Variants in HDX observed in about 807,000 individuals in gnomAD.
HDX encodes the protein chromosome X open reading frame 43.
In HDX, 19 loss-of-function variants were observed where a neutral mutation model predicts 45.2. The observed-to-expected ratio is 0.42, with a 90% confidence interval of 0.29 to 0.62. The LOEUF (loss-of-function observed/expected upper bound fraction) is 0.62. Among genes scored for constraint, HDX ranks in the 20% least tolerant of loss-of-function variants. The pLI is 0.20. For synonymous variants in HDX, 188 were observed against 172.8 expected, an observed-to-expected ratio of 1.09 and a Z score of -0.69; for missense variants, 532 against 493.9, an observed-to-expected ratio of 1.08 and a Z score of -0.73.
intron 5 of HDX, among the ~76,000 whole-genome samples, chrX:84,385,107 C>T (rs1351944216): frequency 2.0e-5 from 2 of 99,330 alleles, no homozygotes; most frequent in Non-Finnish European, 4.0e-5. Context: ...CTGTTAATTG[C>T]TTTGGGTGAT....
At chrX:84,349,314 A>G (rs2037278179) in intron 6 of HDX, among the ~76,000 whole-genome samples, 1 of 109,178 alleles carries the variant, frequency 9.2e-6, no homozygotes, top group Non-Finnish European at 1.9e-5. Context: ...TGAACTGACA[A>G]CTTCTAGGCT....
intron 5 of HDX, among the ~76,000 whole-genome samples, chrX:84,369,038 T>C (rs903878286): frequency 3.6e-5 from 4 of 110,879 alleles, no homozygotes; most frequent in Non-Finnish European, 7.5e-5. Flanking sequence ...TACCAGTCCA[T>C]GGCTCATGGA....
chrX:84,482,180 G>A (rs1355407710), intron 2 of HDX, among the ~76,000 whole-genome samples: 1 of 111,434 alleles, frequency 9.0e-6, no homozygotes, highest in African/African-American at 3.3e-5. Flanking sequence ...ATAAATATAT[G>A]AGTCCAGGTA....
At chrX:84,369,520 T>G (rs1050753085) in intron 5 of HDX, among the ~76,000 whole-genome samples, 17 of 112,378 alleles carry the variant, frequency 1.5e-4, no homozygotes, top group African/African-American at 4.5e-4. Flanking sequence ...ATATACCATC[T>G]CACATTCCCA....
intron 5 of HDX, among the ~76,000 whole-genome samples, chrX:84,379,616 T>C (rs1366172670): frequency 9.0e-6 from 1 of 111,331 alleles, no homozygotes; most frequent in Non-Finnish European, 1.9e-5. Context: ...AAATAAACAA[T>C]ATGCTTCTGA....
intron 6 of HDX, among the ~76,000 whole-genome samples, chrX:84,356,465 A>G (rs1386541286): frequency 7.2e-5 from 8 of 110,982 alleles, no homozygotes; most frequent in Non-Finnish European, 1.3e-4. Flanking sequence ...TTTTTCACAG[A>G]TTACGATCTT....
intron 5 of HDX, among the ~76,000 whole-genome samples, chrX:84,421,097 G>A (rs771896973): frequency 2.1e-4 from 23 of 111,645 alleles, no homozygotes; most frequent in Non-Finnish European, 3.6e-4. Context: ...TAATTCATTG[G>A]TAATTGTAAG....
chrX:84,328,991 C>A (rs964952177), intron 9 of HDX, among the ~76,000 whole-genome samples: 9 of 111,917 alleles, frequency 8.0e-5, no homozygotes. Flanking sequence ...GCAGAGGCTT[C>A]CAGGTCAAAC....
chrX:84,359,398 T>C (rs778765597), intron 6 of HDX, among the ~76,000 whole-genome samples: 29 of 109,897 alleles, frequency 2.6e-4, no homozygotes, highest in Admixed American at 2.9e-4. Context: ...TGTGTCCATG[T>C]GTTCTCATTG....
intron 4 of HDX, among the ~76,000 whole-genome samples, chrX:84,441,724 A>G (rs145220658): frequency 0.015 from 1,620 of 111,527 alleles, 27 homozygotes; most frequent in African/African-American, 0.051. Flanking sequence ...TTTCTTGCAT[A>G]TTATACAAGT....
intron 1 of HDX, among the ~76,000 whole-genome samples, chrX:84,498,110 T>C (rs1014855913): frequency 9.0e-6 from 1 of 111,625 alleles, no homozygotes; most frequent in Admixed American, 9.5e-5. Context: ...CACATATGTC[T>C]AGTTGTTAAA....
Position 84,336,907 on chromosome X carries a change from T to C in HDX, c.1661-27A>G, listed in dbSNP as rs764894785. 5 of 1,028,106 alleles carry C rather than the reference T, an allele frequency of 4.9e-6. No individual in the cohort carries two copies. The African/African-American group carries it at 9.4e-5, about 19-fold the overall frequency. The allele number at this position is 1,028,106 out of a possible 1,213,427, so 84.7% of individuals were successfully genotyped here. A position where few individuals can be genotyped will look rare whatever the true frequency, so the allele number is the denominator to read the frequency against. On this transcript the variant is annotated intron_variant, in intron 7 of 10. Transcript: ENST00000373177. The stretch of plus-strand genomic sequence containing the variant: ...TACAGAAAAAAATGCCATAATTTCA[T>C]TTTCATTTCGCAAAACTTTCTTGAG...
chrX:84,443,423 C>T (rs757771131), intron 4 of HDX, among the ~76,000 whole-genome samples: 20 of 111,529 alleles, frequency 1.8e-4, no homozygotes, highest in East Asian at 5.6e-4. Context: ...AAATCTTCAA[C>T]GAGATGAGAC....
intron 5 of HDX, among the ~76,000 whole-genome samples, chrX:84,373,594 C>T (rs2037956392): frequency 9.0e-6 from 1 of 110,577 alleles, no homozygotes; most frequent in Admixed American, 9.6e-5. Context: ...GGGATGAAGG[C>T]TGGTTTAATA....
chrX:84,484,013 T>A (rs2040740690), intron 2 of HDX, among the ~76,000 whole-genome samples: 1 of 111,699 alleles, frequency 9.0e-6, no homozygotes. Context: ...ATCAACATTT[T>A]GGTCAAAGCC....
In HDX at chrX:84,361,561, A is replaced by G; in HGVS notation, c.1357T>C (p.Tyr453His). The G allele has an allele frequency of 8.3e-7, 1 of 1,204,441 alleles. No individual in the cohort carries two copies. Among genetic ancestry groups the G allele is most frequent in the Non-Finnish European group, 1.1e-6 (1 of 889,988 alleles). ...SDRDLATLKK[Y>H]WDNGMTSLGS... ...AGGCTGGTCATGCCATTGTCCCAAT[A>G]CTTCTTAAGGGTGGCTAAGTCTCGG... The change falls in exon 6 of 11, where the codon TAT becomes CAT. Residue 453 changes from tyrosine to histidine, a missense_variant. By Grantham distance (83) the Tyr-to-His change is moderately conservative. This residue lies in a region of HDX where 376 missense variants were observed against 343.7 expected (regional missense o/e 1.09). Transcript: ENST00000373177.
intron 5 of HDX, among the ~76,000 whole-genome samples, chrX:84,432,785 T>A (rs2039534361): frequency 9.0e-6 from 1 of 111,294 alleles, no homozygotes; most frequent in Non-Finnish European, 1.9e-5. Context: ...ATAGTTTGAC[T>A]TTCTCTCTTC....
At chrX:84,362,303 TAA>T (rs1458029389) in intron 5 of HDX, among the ~76,000 whole-genome samples, 1 of 111,127 alleles carries the variant, frequency 9.0e-6, no homozygotes, top group Non-Finnish European at 1.9e-5. Context: ...CCCTAGGAAG[TAA>T]GTTAGAAACA....
At chrX:84,331,734 T>C (rs969046834) in intron 9 of HDX, among the ~76,000 whole-genome samples, 1 of 111,698 alleles carries the variant, frequency 9.0e-6, no homozygotes, top group African/African-American at 3.2e-5. Flanking sequence ...GTACAATGCA[T>C]TAACTTTTCT....
Sources: allele counts gnomAD v4.1 joint callset (sites outside exome capture counted in the v4.1 genomes callset), GRCh38; gene constraint gnomAD v4.1.1; regional missense constraint gnomAD v4.1.1; transcripts MANE v1.5; gene names NCBI Gene and HGNC (gene_info 2026-07-23, HGNC 2026-07-21).